Variants in GPR161 observed in about 807,000 individuals in gnomAD.
GPR161 encodes the protein G-protein coupled receptor RE2.
In GPR161, 25 loss-of-function variants were observed where a neutral mutation model predicts 39.2. The observed-to-expected ratio is 0.64, with a 90% CI of 0.47 to 0.89. The LOEUF is 0.89. GPR161 is among the 40% of genes least tolerant of loss of function. The pLI is 0.00. For synonymous variants in GPR161, 286 were observed against 276.6 expected (o/e 1.03, Z -0.34); for missense variants, 547 against 677.8 (o/e 0.81, Z 2.14).
intron 1 of GPR161, among the ~76,000 whole-genome samples, chr1:168,109,971 AAAAC>A (rs545109384): frequency 8.4e-4 from 128 of 152,288 alleles, no homozygotes; most frequent in Admixed American, 7.3e-3. Flanking sequence ...ATCTCAAAAC[AAAAC>A]AAACAAACAA....
In GPR161 at chr1:168,098,302, G is replaced by C. The variant is rs776863073; in HGVS notation, c.375-1070C>G. Among the ~76,000 whole-genome samples the C allele has an allele frequency of 6.6e-6, 1 of 152,182 alleles. No individual in the cohort carries two copies. Among genetic ancestry groups the C allele is most frequent in the Admixed American group, 6.5e-5 (1 of 15,280 alleles). On this transcript the variant is annotated intron_variant, in intron 2 of 5. Coordinates refer to ENST00000682931, the MANE Select transcript of GPR161 (RefSeq NM_001375883.1). This position sits in a 1 kb window ranked among gnomAD's most constrained non-coding sequence, Gnocchi z 4.1. ...GGAAGCAGGCCGGGTGGACGGGGCC[G>C]GGGCATGCAGAGCTAAGGACTGTAG...
chr1:168,134,346 T>C (rs989361590), intron 1 of GPR161, among the ~76,000 whole-genome samples: 3 of 152,196 alleles, frequency 2.0e-5, no homozygotes, highest in African/African-American at 7.2e-5. Flanking sequence ...TGCAAGGAAA[T>C]AGATTAAAAC....
At chr1:168,134,762 C>G in intron 1 of GPR161, 1 of 675,234 alleles carries the variant, frequency 1.5e-6, no homozygotes, top group Non-Finnish European at 2.6e-6. Flanking sequence ...TGCTGGAGCC[C>G]CACCGCACCT....
chr1:168,104,920 G>T (rs755955345), intron 1 of GPR161, 26 bp from the exon 2 acceptor site: 1 of 1,561,282 alleles, frequency 6.4e-7, no homozygotes, highest in Non-Finnish European at 8.7e-7. Flanking sequence ...AGGACCAGGG[G>T]ACAGGAAAAG....
chr1:168,087,162 C>T (rs191146151), intron 5 of GPR161, among the ~76,000 whole-genome samples: 4 of 152,320 alleles, frequency 2.6e-5, no homozygotes, highest in Admixed American at 2.0e-4. Flanking sequence ...GGGCCATCAC[C>T]GCTGTAGGAG....
intron 1 of GPR161, among the ~76,000 whole-genome samples, chr1:168,129,501 G>T (rs1003094238): frequency 2.0e-5 from 3 of 152,156 alleles, no homozygotes; most frequent in African/African-American, 4.8e-5. Flanking sequence ...GTGAAGGGGG[G>T]ACTGCAAGGG....
intron 3 of GPR161, among the ~76,000 whole-genome samples, chr1:168,095,670 T>C (rs1379094045): frequency 6.6e-6 from 1 of 152,076 alleles, no homozygotes; most frequent in East Asian, 1.9e-4. Flanking sequence ...TGGGACCATC[T>C]GAGGAGATCA....
chr1:168,126,973 T>G (rs1268665514), intron 1 of GPR161, among the ~76,000 whole-genome samples: 1 of 152,134 alleles, frequency 6.6e-6, no homozygotes, highest in Non-Finnish European at 1.5e-5. Flanking sequence ...TCCCTGTGAC[T>G]GTGTGTGTGT....
intron 1 of GPR161, among the ~76,000 whole-genome samples, chr1:168,127,791 G>A (rs930245806): frequency 2.0e-5 from 3 of 152,146 alleles, no homozygotes; most frequent in Admixed American, 6.5e-5. Flanking sequence ...ATGACACATG[G>A]GAATTGTGGG....
intron 4 of GPR161, 59 bp downstream of exon 4, chr1:168,090,505 G>T: frequency 1.0e-6 from 1 of 991,318 alleles, no homozygotes; most frequent in South Asian, 1.4e-5. Context: ...CGCGACACGG[G>T]GGAAACGCAA....
rs1447595860 is a variant in GPR161 at position 168,083,874 on chromosome 1, C to A, written c.*1657G>T. On this transcript the variant is annotated 3_prime_UTR_variant, in exon 6 of 6. Coordinates refer to ENST00000682931, the MANE Select transcript of GPR161 (RefSeq NM_001375883.1). ...ACAACCTCACCAGGAGCTAGCTGGG[C>A]CCCAAAGAAAAAACCACAAGGGTAA... 1 of 152,044 alleles carries A rather than the reference C, an allele frequency of 6.6e-6. No individual in the cohort carries two copies. Among genetic ancestry groups the A allele is most frequent in the Non-Finnish European group, 1.5e-5 (1 of 68,060 alleles). The allele number at this position is 152,044 out of a possible 1,614,324, so 9.4% of individuals were successfully genotyped here.
chr1:168,136,413 G>C, intron 1 of GPR161: 1 of 1,364,360 alleles, frequency 7.3e-7, no homozygotes. Flanking sequence ...GACTGTTTAG[G>C]GGCTTCGGGC....
intron 1 of GPR161, among the ~76,000 whole-genome samples, chr1:168,116,357 C>G (rs1180536911): frequency 6.6e-6 from 1 of 152,212 alleles, no homozygotes; most frequent in Non-Finnish European, 1.5e-5. Context: ...CTAAACACCA[C>G]TTCCAACAAG....
In GPR161 at chr1:168,090,631, T is replaced by C. The variant is rs778033224; in HGVS notation, c.1137A>G (p.Ala379=). The change falls in exon 4 of 6, where the codon GCA becomes GCG. Residue 379 remains alanine, a synonymous_variant. Transcript: ENST00000682931. Reference sequence around the variant, plus strand: ...TGCTGTGCCCCAGGGGCTGTCCACCTGCCATGAGCGCAGTGAGGTGTGGGG... The same window carrying C: ...TGCTGTGCCCCAGGGGCTGTCCACCCGCCATGAGCGCAGTGAGGTGTGGGG... ...GLSPHLTALM[A]GGQPLGHSSS... The C allele has an allele frequency of 5.6e-6, 9 of 1,612,246 alleles. No homozygotes were observed. The highest frequency in any genetic ancestry group is 7.6e-6 in the Non-Finnish European group (9 of 1,178,554).
chr1:168,097,286 C>T (rs1051462381), intron 2 of GPR161, 54 bp from the exon 3 acceptor site: 66 of 1,549,260 alleles, frequency 4.3e-5, no homozygotes, highest in South Asian at 2.0e-4. Flanking sequence ...GAGAGAAAAC[C>T]GCTGCCTTCC....
chr1:168,084,720 A>C lies in GPR161; in HGVS notation c.*811T>G. The C allele has an allele frequency of 2.5e-6, 1 of 406,904 alleles. No individual in the cohort carries two copies. Among genetic ancestry groups the C allele is most frequent in the South Asian group, 1.8e-5 (1 of 55,546 alleles). The allele number at this position is 406,904 out of a possible 1,614,324, so 25.2% of individuals were successfully genotyped here. ...TCTCTATTTCCTGGCTGTGCTTGGC[A>C]CTACAGTCCCATTCAGTCCGGTAAA... On this transcript the variant is annotated 3_prime_UTR_variant, in exon 6 of 6. Transcript: ENST00000682931.
chr1:168,113,207 T>G (rs1208625075), intron 1 of GPR161, among the ~76,000 whole-genome samples: 4 of 152,216 alleles, frequency 2.6e-5, no homozygotes, highest in African/African-American at 9.6e-5. Context: ...TCTGGGGCTG[T>G]TCTGCTGCTA....
At chr1:168,113,024 G>A (rs566100302) in intron 1 of GPR161, among the ~76,000 whole-genome samples, 58 of 152,246 alleles carry the variant, frequency 3.8e-4, no homozygotes, top group African/African-American at 1.4e-3. Flanking sequence ...CTGGAGTAGC[G>A]AAGGCACAAG....
In GPR161 at chr1:168,091,400, T is replaced by C. The variant is rs548082032; in HGVS notation, c.1100-732A>G. Among the ~76,000 whole-genome samples the C allele has an allele frequency of 2.5e-4, 38 of 152,310 alleles. 2 individuals carry two copies. In the South Asian group the frequency reaches 7.3e-3, roughly 29 times the overall value. ...ATTAAGTAGTGGGACCCTGGCCCCT[T>C]GTCCCACTTAACCTGGGCTGGAGAC... On this transcript the variant is annotated intron_variant, in intron 3 of 5. Coordinates refer to ENST00000682931, the MANE Select transcript of GPR161 (RefSeq NM_001375883.1).
Sources: gnomAD v4.1 joint callset for allele counts (sites outside exome capture counted in the v4.1 genomes callset) on GRCh38, gnomAD v4.1.1 for gene constraint, Gnocchi (gnomAD v3.1) non-coding constraint, MANE v1.5 for transcripts, NCBI Gene and HGNC (gene_info 2026-07-23, HGNC 2026-07-21) for gene names.